Variants in OLFM3 observed in about 807,000 individuals in gnomAD.
OLFM3 encodes noelin-3.
A neutral mutation model predicts 48.6 loss-of-function variants in OLFM3; 20 were observed. The observed-to-expected ratio is 0.41, with a 90% CI of 0.29 to 0.60. OLFM3 has a LOEUF of 0.60. Ranked by LOEUF, OLFM3 falls within the 20% of genes least tolerant of loss-of-function variation. OLFM3 has a pLI of 0.28. For missense variants in OLFM3, 437 were observed against 544.3 expected (o/e 0.80, Z 1.96); for synonymous variants, 222 against 198.1 (o/e 1.12, Z -1.01).
intron 4 of OLFM3, among the ~76,000 whole-genome samples, chr1:101,820,764 T>C (rs1001119270): frequency 6.6e-6 from 1 of 152,124 alleles, no homozygotes. Context: ...ATCTTAAAAT[T>C]CATGTGATGT....
At chr1:101,862,970 T>TA (rs1171545661) in intron 1 of OLFM3, among the ~76,000 whole-genome samples, 1 of 151,198 alleles carries the variant, frequency 6.6e-6, no homozygotes, top group Non-Finnish European at 1.5e-5. Flanking sequence ...TCAGTATTGG[T>TA]AAAAATAAAT....
intron 2 of OLFM3, among the ~76,000 whole-genome samples, chr1:101,834,515 A>G (rs1435239551): frequency 1.3e-5 from 2 of 152,226 alleles, no homozygotes; most frequent in Admixed American, 1.3e-4. Flanking sequence ...AACTATAGAG[A>G]GATAAGCAAG....
At chr1:101,888,448 T>C (rs74801676) in intron 1 of OLFM3, among the ~76,000 whole-genome samples, 41,006 of 152,022 alleles carry the variant, frequency 0.27, 5,735 homozygotes, top group East Asian at 0.36. Context: ...GCTAGGCATA[T>C]GTAGAAAGCT....
intron 1 of OLFM3, among the ~76,000 whole-genome samples, chr1:101,906,776 A>G (rs1039779257): frequency 6.6e-6 from 1 of 152,186 alleles, no homozygotes; most frequent in Non-Finnish European, 1.5e-5. Flanking sequence ...AGCTAGACTC[A>G]TTCAGTGGAC....
In OLFM3 at chr1:101,803,766, A is replaced by G. The variant is rs562527779; in HGVS notation, c.*472T>C. On this transcript the variant is annotated 3_prime_UTR_variant, in exon 6 of 6. Transcript: ENST00000370103. Reference sequence around the variant, plus strand: ...AGCAAAATGATTAATATTATTTTTCAATATAAATGAAATCCTTACATTTTT... The same window carrying G: ...AGCAAAATGATTAATATTATTTTTCGATATAAATGAAATCCTTACATTTTT... 1 of 152,580 alleles carries G rather than the reference A, an allele frequency of 6.6e-6. No homozygotes were observed. Among genetic ancestry groups the G allele is most frequent in the Non-Finnish European group, 1.5e-5 (1 of 68,156 alleles). The allele number at this position is 152,580 out of a possible 1,614,324, so 9.5% of individuals were successfully genotyped here.
At chr1:101,932,832 AAT>A (rs1374461753) in intron 1 of OLFM3, among the ~76,000 whole-genome samples, 1 of 152,150 alleles carries the variant, frequency 6.6e-6, no homozygotes, top group African/African-American at 2.4e-5. Flanking sequence ...TAGAACTCAT[AAT>A]ATGGATAGAA....
At chr1:101,837,504 T>C (rs1655485527) in intron 1 of OLFM3, among the ~76,000 whole-genome samples, 1 of 152,218 alleles carries the variant, frequency 6.6e-6, no homozygotes, top group African/African-American at 2.4e-5. Flanking sequence ...GCCTTAATTA[T>C]TAATAAAGTG....
At chr1:101,977,801 G>A (rs1049383196) in intron 1 of OLFM3, among the ~76,000 whole-genome samples, 13 of 150,974 alleles carry the variant, frequency 8.6e-5, no homozygotes, top group Admixed American at 7.3e-4. Flanking sequence ...TTCTCTTTTT[G>A]TCCCATGAAC....
chr1:101,871,539 A>C (rs1657084047), intron 1 of OLFM3, among the ~76,000 whole-genome samples: 1 of 152,128 alleles, frequency 6.6e-6, no homozygotes, highest in South Asian at 2.1e-4. Context: ...TTGACAGACT[A>C]TCAATAGACA....
At chr1:101,841,562 C>T (rs1655722482) in intron 1 of OLFM3, among the ~76,000 whole-genome samples, 1 of 152,144 alleles carries the variant, frequency 6.6e-6, no homozygotes, top group South Asian at 2.1e-4. Flanking sequence ...AGGGCATTAT[C>T]CAAACAGCAT....
chr1:101,831,780 G>T (rs551786613), intron 2 of OLFM3, among the ~76,000 whole-genome samples: 1 of 152,158 alleles, frequency 6.6e-6, no homozygotes, highest in Non-Finnish European at 1.5e-5. Flanking sequence ...CATTTATCAA[G>T]ATTCCCAAGT....
At chr1:101,967,318 T>C (rs1335843992) in intron 1 of OLFM3, among the ~76,000 whole-genome samples, 2 of 147,128 alleles carry the variant, frequency 1.4e-5, no homozygotes, top group East Asian at 4.0e-4. Flanking sequence ...AAAAAACAAA[T>C]ACCATGACCC....
intron 1 of OLFM3, among the ~76,000 whole-genome samples, chr1:101,861,528 T>C (rs557047082): frequency 6.6e-6 from 1 of 152,348 alleles, no homozygotes; most frequent in East Asian, 1.9e-4. Context: ...GGGGAAAGCC[T>C]GAATAGTTGC....
chr1:101,990,264 A>G (rs1661361949), intron 1 of OLFM3, among the ~76,000 whole-genome samples: 1 of 152,184 alleles, frequency 6.6e-6, no homozygotes, highest in Non-Finnish European at 1.5e-5. Flanking sequence ...TTGAGAAGCT[A>G]TGCTGATAAC....
chr1:101,958,342 T>C (rs1215858193), intron 1 of OLFM3, among the ~76,000 whole-genome samples: 5 of 152,132 alleles, frequency 3.3e-5, no homozygotes, highest in Non-Finnish European at 7.4e-5. Context: ...TCATTTCAGT[T>C]GTTCTTTTCT....
Position 101,893,239 on chromosome 1 carries a change from A to G in OLFM3, c.70-56214T>C, listed in dbSNP as rs149392954. 9 of 299,668 alleles carry G rather than the reference A, an allele frequency of 3.0e-5. No homozygotes were observed. The East Asian group carries it at 8.3e-4, about 28-fold the overall frequency. 18.6% of individuals were successfully genotyped at this position (299,668 alleles called of 1,614,324 possible). A position where few individuals can be genotyped will look rare whatever the true frequency, so the allele number is the denominator to read the frequency against. On this transcript the variant is annotated intron_variant, in intron 1 of 5. Coordinates refer to ENST00000370103, the MANE Select transcript of OLFM3 (RefSeq NM_058170.4). ...AATGTGCTTTGTGACAGGTGTGAAGACAGAGGTGGGGAAAAAAAAAAGGAA... is the reference window on the plus strand; with the variant it reads ...AATGTGCTTTGTGACAGGTGTGAAGGCAGAGGTGGGGAAAAAAAAAAGGAA...
At chr1:101,882,334 AT>A (rs1245445383) in intron 1 of OLFM3, among the ~76,000 whole-genome samples, 4 of 95,618 alleles carry the variant, frequency 4.2e-5, no homozygotes, top group African/African-American at 1.2e-4. Context: ...TATATATAAT[AT>A]ATATATATAT....
intron 4 of OLFM3, among the ~76,000 whole-genome samples, chr1:101,816,618 C>G (rs1313371605): frequency 6.6e-6 from 1 of 152,132 alleles, no homozygotes; most frequent in African/African-American, 2.4e-5. Flanking sequence ...AGCATTCAAT[C>G]ATTGTATGAA....
intron 2 of OLFM3, among the ~76,000 whole-genome samples, chr1:101,835,763 T>A (rs900949652): frequency 1.3e-5 from 2 of 152,086 alleles, no homozygotes; most frequent in African/African-American, 4.8e-5. Context: ...AAAGGGCCAA[T>A]AGGTGATGAT....
Sources: allele counts gnomAD v4.1 joint callset (sites outside exome capture counted in the v4.1 genomes callset), GRCh38; gene constraint gnomAD v4.1.1; transcripts MANE v1.5; gene names NCBI Gene and HGNC (gene_info 2026-07-23, HGNC 2026-07-21).